Variants in SLIT3 observed in about 807,000 individuals in gnomAD.
The protein encoded by SLIT3 is slit guidance ligand 3, also known as slit homolog 3 protein.
SLIT3 carries 68 observed loss-of-function variants against 184.0 expected under a neutral mutation model. The ratio of observed to expected loss-of-function variants is 0.37; its 90% CI spans 0.30 to 0.45. The LOEUF (loss-of-function observed/expected upper bound fraction) is 0.45, where lower values mean the gene tolerates loss of function less well. Ranked by LOEUF, SLIT3 falls within the 20% of genes least tolerant of loss-of-function variation. The pLI is 1.00. For synonymous variants in SLIT3, 831 were observed against 828.6 expected, an observed-to-expected ratio of 1.00 and a Z score of -0.05; for missense variants, 1,707 against 2,026.0, an observed-to-expected ratio of 0.84 and a Z score of 3.02.
intron 16 of SLIT3, among the ~76,000 whole-genome samples, chr5:168,755,408 T>TCTTTCTTTCTTTCTTTC (rs1754878295): frequency 9.0e-5 from 2 of 22,234 alleles, no homozygotes; most frequent in African/African-American, 3.3e-4. Context: ...TTTCTTTCTT[T>TCTTTCTTTCTTTCTTTC]CTTTCTTTCT....
At chr5:169,054,848 G>A (rs1445663121) in intron 4 of SLIT3, among the ~76,000 whole-genome samples, 1 of 152,056 alleles carries the variant, frequency 6.6e-6, no homozygotes, top group Non-Finnish European at 1.5e-5. Flanking sequence ...CCTTCTGAAG[G>A]CCTCCCTGGA....
At chr5:168,934,838 G>A (rs1762100449) in intron 4 of SLIT3, among the ~76,000 whole-genome samples, 1 of 151,810 alleles carries the variant, frequency 6.6e-6, no homozygotes, top group African/African-American at 2.4e-5. Flanking sequence ...CTTCAAAAAT[G>A]AAACAAGAAG....
At chr5:169,293,987 G>A (rs139379936) in intron 1 of SLIT3, among the ~76,000 whole-genome samples, 353 of 152,314 alleles carry the variant, frequency 2.3e-3, no homozygotes, top group Admixed American at 3.7e-3. Context: ...AATGAAGAAC[G>A]GAGAGCACGG....
intron 20 of SLIT3, among the ~76,000 whole-genome samples, chr5:168,729,256 CAA>C (rs1391055944): frequency 6.6e-6 from 1 of 152,022 alleles, no homozygotes. Flanking sequence ...CCAAGTCTGT[CAA>C]GAGAGTTAGA....
intron 16 of SLIT3, among the ~76,000 whole-genome samples, chr5:168,756,394 A>G (rs901090990): frequency 1.3e-5 from 2 of 152,194 alleles, no homozygotes; most frequent in African/African-American, 4.8e-5. Flanking sequence ...GGGTGAGGCC[A>G]TGCCTGCGCT....
At chr5:168,992,938 C>G (rs530436153) in intron 4 of SLIT3, 1 of 152,306 alleles carries the variant, frequency 6.6e-6, no homozygotes, top group Admixed American at 6.5e-5. Context: ...GCCCTTTACA[C>G]GCAGAACAAT....
chr5:168,768,251 T>C (rs1398953072), intron 14 of SLIT3: 2 of 509,736 alleles, frequency 3.9e-6, no homozygotes, highest in Non-Finnish European at 4.1e-6. Flanking sequence ...CCGCAGCGAC[T>C]GGTCAGAGTC....
intron 4 of SLIT3, chr5:169,038,003 G>A (rs1757315606): frequency 6.6e-6 from 1 of 152,210 alleles, no homozygotes; most frequent in Non-Finnish European, 1.5e-5. Flanking sequence ...TCTTCAGTAT[G>A]TGTCTATCCT....
intron 27 of SLIT3, among the ~76,000 whole-genome samples, chr5:168,698,719 G>A (rs999868599): frequency 6.6e-6 from 1 of 152,148 alleles, no homozygotes; most frequent in African/African-American, 2.4e-5. Context: ...CCCACCAGGT[G>A]CTGGCCCGAT....
At chr5:169,176,824 G>A (rs1353860031) in intron 4 of SLIT3, among the ~76,000 whole-genome samples, 3 of 152,186 alleles carry the variant, frequency 2.0e-5, no homozygotes, top group African/African-American at 4.8e-5. Flanking sequence ...CCAGGCTTGG[G>A]TTTGGAGCTG....
chr5:168,848,576 A>C (rs1230558540), intron 5 of SLIT3, among the ~76,000 whole-genome samples: 1 of 152,178 alleles, frequency 6.6e-6, no homozygotes, highest in African/African-American at 2.4e-5. Flanking sequence ...ATGATATTAA[A>C]TTAACTGCTC....
intron 1 of SLIT3, among the ~76,000 whole-genome samples, chr5:169,265,150 T>C (rs1286738379): frequency 7.5e-6 from 1 of 134,032 alleles, no homozygotes; most frequent in Non-Finnish European, 1.6e-5. Context: ...TTCAGCTCCA[T>C]GCTCAAAAAC....
intron 5 of SLIT3, among the ~76,000 whole-genome samples, chr5:168,863,413 T>C (rs1367546434): frequency 6.6e-6 from 1 of 152,232 alleles, no homozygotes; most frequent in Non-Finnish European, 1.5e-5. Flanking sequence ...GTCATGGGGT[T>C]GGCTGCTGGT....
intron 4 of SLIT3, among the ~76,000 whole-genome samples, chr5:169,021,338 T>C (rs1398390754): frequency 6.6e-6 from 1 of 152,102 alleles, no homozygotes; most frequent in African/African-American, 2.4e-5. Context: ...GTATTTATGG[T>C]GAGATAGTAT....
chr5:168,748,190 C>A (rs1325935680), intron 20 of SLIT3, 112 bp downstream of exon 20: 4 of 1,244,566 alleles, frequency 3.2e-6, no homozygotes, highest in African/African-American at 1.6e-5. Context: ...CAAGTAGGGT[C>A]TCCCCCCGGC....
intron 6 of SLIT3, among the ~76,000 whole-genome samples, chr5:168,827,270 T>C (rs1347066557): frequency 6.6e-6 from 1 of 152,164 alleles, no homozygotes; most frequent in Non-Finnish European, 1.5e-5. Context: ...ATTTATTCTC[T>C]TACAGTTTTG....
chr5:168,758,064 G>C (rs1755015539), intron 16 of SLIT3, among the ~76,000 whole-genome samples: 1 of 152,150 alleles, frequency 6.6e-6, no homozygotes, highest in African/African-American at 2.4e-5. Context: ...GAAACATTTG[G>C]CAGCCCTCAC....
At chr5:168,960,194 T>G (rs1215527630) in intron 4 of SLIT3, among the ~76,000 whole-genome samples, 2 of 152,214 alleles carry the variant, frequency 1.3e-5, no homozygotes, top group Admixed American at 1.3e-4. Context: ...CCTCTGTACC[T>G]ATGGTACCTG....
intron 14 of SLIT3, among the ~76,000 whole-genome samples, chr5:168,766,881 A>G (rs1254824686): frequency 6.6e-6 from 1 of 152,254 alleles, no homozygotes; most frequent in Non-Finnish European, 1.5e-5. Flanking sequence ...AACAGATGAA[A>G]GTCTGAAAGG....
Sources: allele counts gnomAD v4.1 joint callset (sites outside exome capture counted in the v4.1 genomes callset), GRCh38; gene constraint gnomAD v4.1.1; transcripts MANE v1.5; gene names NCBI Gene and HGNC (gene_info 2026-07-23, HGNC 2026-07-21).